Variants in SAMD9L observed in about 807,000 individuals in gnomAD.
SAMD9L encodes sterile alpha motif domain containing 9 like, also known as sterile alpha motif domain-containing protein 9-like.
SAMD9L carries 68 observed loss-of-function variants against 90.7 expected under a neutral mutation model. The observed-to-expected ratio is 0.75, with a 90% CI of 0.62 to 0.92. SAMD9L has a LOEUF of 0.92. Ranked by LOEUF, SAMD9L falls within the 40% of genes least tolerant of loss-of-function variation. The pLI is 0.00. For synonymous variants in SAMD9L, 640 were observed against 630.1 expected (o/e 1.02, Z -0.23); for missense variants, 1,604 against 1,824.3 (o/e 0.88, Z 2.20).
At chr7:93,143,972 C>T (rs1244384832) in intron 4 of SAMD9L, among the ~76,000 whole-genome samples, 1 of 152,202 alleles carries the variant, frequency 6.6e-6, no homozygotes. Flanking sequence ...AGAAGCTACA[C>T]AGTGTGTATA....
intron 4 of SAMD9L, among the ~76,000 whole-genome samples, chr7:93,137,616 CCCACTA>C (rs907962064): frequency 6.6e-6 from 1 of 152,002 alleles, no homozygotes; most frequent in African/African-American, 2.4e-5. Context: ...AAAACCATCC[CCCACTA>C]CCCTGTGGAA....
At chr7:93,147,740 A>T (rs1166390272) in intron 1 of SAMD9L, among the ~76,000 whole-genome samples, 1 of 152,214 alleles carries the variant, frequency 6.6e-6, no homozygotes. Flanking sequence ...TGAATGAAAT[A>T]CTTTAATAGA....
Position 93,131,510 on chromosome 7 carries a change from C to A in SAMD9L, c.4462G>T (p.Val1488Phe). The change falls in exon 5 of 5, where the codon GTT (valine) becomes TTT (phenylalanine). Residue 1488 changes from valine to phenylalanine, a missense_variant. Physicochemically the swap from Val to Phe is conservative, Grantham distance 50 (BLOSUM62 -1). Coordinates refer to ENST00000318238, the MANE Select transcript of SAMD9L (RefSeq NM_152703.5). ...LGKRKGLNSI[V>F]HKAKIEQYFD... ...TACTGCTCTATTTTGGCCTTGTGAA[C>A]AATACTGTTTAGACCCTTCCTTTTG... 6.2e-7 allele frequency: 1 copy of A among 1,613,950 alleles called. No homozygotes were observed. Among genetic ancestry groups the A allele is most frequent in the Non-Finnish European group, 8.5e-7 (1 of 1,179,908 alleles).
chr7:93,136,795 T>C (rs1792472708), intron 4 of SAMD9L, among the ~76,000 whole-genome samples: 1 of 152,222 alleles, frequency 6.6e-6, no homozygotes, highest in South Asian at 2.1e-4. Flanking sequence ...TTAGAATTAC[T>C]TGGCATTCCA....
chr7:93,132,487 G>A lies in SAMD9L; in HGVS notation c.3485C>T (p.Ala1162Val). Residue 1162 changes from alanine to valine, a missense_variant, in exon 5 of 5, where the codon GCT becomes GTT. Physicochemically the swap from Ala to Val is moderately conservative, Grantham distance 64. Around this residue, in one of 7 missense-constraint regions of SAMD9L, gnomAD observed 302 missense variants for 314.7 expected, o/e 0.96. Coordinates refer to ENST00000318238, the MANE Select transcript of SAMD9L (RefSeq NM_152703.5). ...LLEAAEKASRAFKESQRQTDS... is the reference protein window; with the variant it reads ...LLEAAEKASRVFKESQRQTDS... ...AGTTTGCCTTTGGGATTCTTTGAAA[G>A]CTCTTGAGGCTTTTTCCGCAGCTTC... 1 of 1,613,802 alleles carries A rather than the reference G, an allele frequency of 6.2e-7. No individual in the cohort carries two copies. Among genetic ancestry groups the A allele is most frequent in the Non-Finnish European group, 8.5e-7 (1 of 1,179,826 alleles).
In SAMD9L at chr7:93,147,085, T is replaced by C. The variant is rs1177684748; in HGVS notation, c.-981A>G. The C allele has an allele frequency of 1.3e-5, 2 of 152,206 alleles. No homozygotes were observed. Among genetic ancestry groups the C allele is most frequent in the East Asian group, 3.9e-4 (2 of 5,184 alleles). The allele number at this position is 152,206 out of a possible 1,614,324, so 9.4% of individuals were successfully genotyped here. Reference sequence around the variant, plus strand: ...CACAGTCTGCTCGGGTGAGATGCAATACCTTCTTTTAGCTGGTGTCCTCTT... The same window carrying C: ...CACAGTCTGCTCGGGTGAGATGCAACACCTTCTTTTAGCTGGTGTCCTCTT... On this transcript the variant is annotated 5_prime_UTR_variant, in exon 2 of 5. Transcript: ENST00000318238.
chr7:93,131,299 C>T lies in SAMD9L; in HGVS notation c.4673G>A (p.Ser1558Asn), dbSNP rs1406809526. Residue 1558 changes from serine to asparagine, a missense_variant, in exon 5 of 5, where the codon AGT (serine) becomes AAT (asparagine). Physicochemically the swap from Ser to Asn is conservative, Grantham distance 46. Transcript: ENST00000318238. ...VISVYSGPLR[S>N]GRNIERVSFY... ...AGACACTCTTTCTATGTTCCTACCA[C>T]TTCTGAGTGGACCTGAATAAACAGA... 6.2e-7 allele frequency: 1 copy of T among 1,612,804 alleles called. No individual in the cohort carries two copies. The highest frequency in any genetic ancestry group is 1.3e-5 in the African/African-American group (1 of 74,884).
chr7:93,141,477 A>G (rs544455755), intron 4 of SAMD9L, among the ~76,000 whole-genome samples: 3 of 152,244 alleles, frequency 2.0e-5, no homozygotes, highest in Admixed American at 2.0e-4. Context: ...TGATCTCCTG[A>G]TATATGCCCC....
intron 4 of SAMD9L, among the ~76,000 whole-genome samples, chr7:93,138,126 T>C (rs1257853240): frequency 1.3e-5 from 2 of 152,160 alleles, no homozygotes; most frequent in Non-Finnish European, 2.9e-5. Context: ...AGCAGAACCA[T>C]GAGCAACTGG....
rs766185585 is a variant in SAMD9L, at chr7:93,135,186, G to T, written c.786C>A (p.Asp262Glu). 3.7e-6 allele frequency: 6 copies of T among 1,613,694 alleles called. No individual in the cohort carries two copies. In the Admixed American group the frequency reaches 1.0e-4, roughly 27 times the overall value. Reference protein sequence around the residue: ...VKITSKAAFIDHFNVMIKKYF... With the variant: ...VKITSKAAFIEHFNVMIKKYF... ...ACTTTTTGATCATTACATTGAAGTG[G>T]TCAATGAAGGCAGCCTTACTGGTGA... Residue 262 changes from aspartate to glutamate, a missense_variant, in exon 5 of 5, where the codon GAC becomes GAA. Coordinates refer to ENST00000318238, the MANE Select transcript of SAMD9L (RefSeq NM_152703.5).
chr7:93,147,679 CTT>C (rs1792945886), intron 1 of SAMD9L, among the ~76,000 whole-genome samples: 1 of 152,182 alleles, frequency 6.6e-6, no homozygotes. Context: ...CTGAAGAACA[CTT>C]TGCATTTTTT....
rs982008656 is a variant in SAMD9L at position 93,145,962 on chromosome 7, G to A, written c.-700C>T. 3 of 152,138 alleles carry A rather than the reference G, an allele frequency of 2.0e-5. No homozygotes were observed. Among genetic ancestry groups the A allele is most frequent in the African/African-American group, 4.8e-5 (2 of 41,414 alleles). The allele number at this position is 152,138 out of a possible 1,614,324, so 9.4% of individuals were successfully genotyped here. A position where few individuals can be genotyped will look rare whatever the true frequency, so the allele number is the denominator to read the frequency against. ...TTCCTCATCTCTTTCCTGGATTATA[G>A]GAATAGCTTCCTTGCCAGGTTCCCT... On this transcript the variant is annotated 5_prime_UTR_variant, in exon 3 of 5. Coordinates refer to ENST00000318238, the MANE Select transcript of SAMD9L (RefSeq NM_152703.5).
Position 93,134,141 on chromosome 7 carries a change from T to G in SAMD9L, c.1831A>C (p.Thr611Pro). 1.2e-6 allele frequency: 2 copies of G among 1,613,940 alleles called. No individual in the cohort carries two copies. The highest frequency in any genetic ancestry group is 1.7e-6 in the Non-Finnish European group (2 of 1,179,850). ...CTGTTTACCAGTTCTATATTTAAAG[T>G]GGAAATACTGTGGTTTGTTAGTTCA... ...EDELTNHSISTLNIELVNSTI... is the reference protein window; with the variant it reads ...EDELTNHSISPLNIELVNSTI... Residue 611 changes from threonine to proline, a missense_variant, in exon 5 of 5, where the codon ACT becomes CCT. Thr to Pro is a conservative substitution (Grantham distance 38, BLOSUM62 -1). Transcript: ENST00000318238.
rs1792107872 is a variant in SAMD9L at position 93,131,697 on chromosome 7, A to G, written c.4275T>C (p.Gly1425=). 1 of 1,613,888 alleles carries G rather than the reference A, an allele frequency of 6.2e-7. No individual in the cohort carries two copies. The highest frequency in any genetic ancestry group is 8.5e-7 in the Non-Finnish European group (1 of 1,179,872). Reference sequence around the variant, plus strand: ...ACAGGAGGCAGGCCAAGAAATAAGGACCTGGATATTGATGACTTAGTCCTA... The same window carrying G: ...ACAGGAGGCAGGCCAAGAAATAAGGGCCTGGATATTGATGACTTAGTCCTA... ...QFVGLSHQYP[G]PYFLACLLFW... Residue 1425 remains glycine, a synonymous_variant, in exon 5 of 5, where the codon GGT becomes GGC. Transcript: ENST00000318238.
rs776231340 is a variant in SAMD9L at position 93,132,906 on chromosome 7, A to G, written c.3066T>C (p.Tyr1022=). 2.5e-6 allele frequency: 4 copies of G among 1,613,258 alleles called. No individual in the cohort carries two copies. Among genetic ancestry groups the G allele is most frequent in the African/African-American group, 2.7e-5 (2 of 74,906 alleles). Residue 1022 remains tyrosine (Y), a synonymous_variant, in exon 5 of 5, where the codon TAT becomes TAC. Transcript: ENST00000318238. ...ATTTGTCTCTTCCTATTCCAGAATC[A>G]TAGAATAAATTCTCTTCTAATATAT... ...ALNILEENLF[Y]DSGIGRDKFQ...
chr7:93,146,072 T>G (rs1030577278), intron 2 of SAMD9L, 32 bp from the exon 3 acceptor site: 2 of 152,256 alleles, frequency 1.3e-5, no homozygotes, highest in African/African-American at 4.8e-5. Context: ...ATCAATGTTG[T>G]GTCCAACCCT....
chr7:93,141,365 A>G (rs549096757), intron 4 of SAMD9L, among the ~76,000 whole-genome samples: 76 of 152,290 alleles, frequency 5.0e-4, no homozygotes, highest in South Asian at 1.7e-3. Context: ...GTGACTTCCA[A>G]ATTAACATGA....
chr7:93,136,660 G>C (rs926175851), intron 4 of SAMD9L, among the ~76,000 whole-genome samples: 1 of 152,172 alleles, frequency 6.6e-6, no homozygotes, highest in African/African-American at 2.4e-5. Flanking sequence ...AATTTTGTTA[G>C]AGCCATTTTC....
chr7:93,132,917 T>A lies in SAMD9L; in HGVS notation c.3055A>T (p.Asn1019Tyr). 6.2e-7 allele frequency: 1 copy of A among 1,613,374 alleles called. No individual in the cohort carries two copies. The highest frequency in any genetic ancestry group is 8.5e-7 in the Non-Finnish European group (1 of 1,179,648). The change falls in exon 5 of 5, where the codon AAT becomes TAT. Residue 1019 changes from asparagine (N) to tyrosine (Y), a missense_variant. By Grantham distance (143) the Asn-to-Tyr change is moderately radical. Coordinates refer to ENST00000318238, the MANE Select transcript of SAMD9L (RefSeq NM_152703.5). ...CCTATTCCAGAATCATAGAATAAAT[T>A]CTCTTCTAATATATTCAATGCAATT... The part of the protein sequence containing the change: ...CQIALNILEE[N>Y]LFYDSGIGRD...
Sources: gnomAD v4.1 joint callset for allele counts (sites outside exome capture counted in the v4.1 genomes callset) on GRCh38, gnomAD v4.1.1 for gene constraint, gnomAD v4.1.1 regional missense constraint, MANE v1.5 for transcripts, NCBI Gene and HGNC (gene_info 2026-07-23, HGNC 2026-07-21) for gene names.